Variants in SERPINF1 observed in about 807,000 individuals in gnomAD.
SERPINF1 encodes pigment epithelium-derived factor.
SERPINF1 carries 29 observed loss-of-function variants against 37.3 expected under a neutral mutation model. That is an observed-to-expected ratio of 0.78 (90% CI 0.58 to 1.06). The LOEUF is 1.06. SERPINF1 is among the 50% of genes least tolerant of loss of function. The pLI is 0.00. For synonymous variants in SERPINF1, 281 were observed against 227.9 expected, an observed-to-expected ratio of 1.23 and a Z score of -2.10; for missense variants, 553 against 532.2, an observed-to-expected ratio of 1.04 and a Z score of -0.38.
chr17:1,777,457 T>G lies in SERPINF1; in HGVS notation c.*11T>G. ...CCCAGGGGCCCCTAATATCCCAGTT[T>G]AATATTCCAATACCCTAGAAGAAAA... On this transcript the variant is annotated 3_prime_UTR_variant, in exon 8 of 8. Coordinates refer to ENST00000254722, the MANE Select transcript of SERPINF1 (RefSeq NM_002615.7). 1 of 1,614,032 alleles carries G rather than the reference T, an allele frequency of 6.2e-7. No homozygotes were observed. The highest frequency in any genetic ancestry group is 1.1e-5 in the South Asian group (1 of 91,074).
chr17:1,768,287 T>C (rs1287574242), intron 2 of SERPINF1, among the ~76,000 whole-genome samples: 4 of 151,328 alleles, frequency 2.6e-5, no homozygotes, highest in Non-Finnish European at 4.4e-5. Context: ...AAAAATTAGC[T>C]GGGTGTGGTG....
At chr17:1,769,810 G>C (rs11658342) in intron 2 of SERPINF1, 42 bp from the exon 3 acceptor site, 1 of 1,606,970 alleles carries the variant, frequency 6.2e-7, no homozygotes, top group African/African-American at 1.3e-5. Flanking sequence ...GCATCTCTGC[G>C]AGTCCCTGAA....
chr17:1,772,817 A>G (rs1026624618), intron 5 of SERPINF1, among the ~76,000 whole-genome samples: 5 of 151,770 alleles, frequency 3.3e-5, no homozygotes, highest in African/African-American at 1.2e-4. Context: ...AAGTGCTGGG[A>G]TTACAGGCGT....
chr17:1,775,312 G>A (rs1250428838), intron 6 of SERPINF1, 112 bp downstream of exon 6: 45 of 1,112,528 alleles, frequency 4.0e-5, no homozygotes, highest in Middle Eastern at 3.0e-4. Flanking sequence ...TCTACATGTC[G>A]CCTGCTGTGT....
intron 6 of SERPINF1, 121 bp downstream of exon 6, chr17:1,775,321 G>A: frequency 9.9e-7 from 1 of 1,010,334 alleles, no homozygotes; most frequent in Non-Finnish European, 1.4e-6. Flanking sequence ...CGCCTGCTGT[G>A]TGACTTTGAG....
chr17:1,777,257 G>A lies in SERPINF1; in HGVS notation c.1068G>A (p.Val356=), dbSNP rs1467213596. Residue 356 remains valine, a synonymous_variant, in exon 8 of 8, where the codon GTG becomes GTA. Coordinates refer to ENST00000254722, the MANE Select transcript of SERPINF1 (RefSeq NM_002615.7). The part of the protein sequence containing the change: ...ITGKPIKLTQ[V]EHRAGFEWNE... ...GCAAACCCATCAAGCTGACTCAGGT[G>A]GAACACCGGGCTGGCTTTGAGTGGA... The A allele has an allele frequency of 1.9e-6, 3 of 1,614,110 alleles. No homozygotes were observed. The South Asian group carries it at 3.3e-5, about 18-fold the overall frequency.
rs746893418 is a variant in SERPINF1 at position 1,769,998 on chromosome 17, C to T, written c.231C>T (p.Asn77=). Residue 77 remains asparagine (N), a synonymous_variant, in exon 3 of 8, where the codon AAC becomes AAT. Coordinates refer to ENST00000254722, the MANE Select transcript of SERPINF1 (RefSeq NM_002615.7). ...GATCCAGCACGAGCCCCACGACCAA[C>T]GTGCTCCTGTCTCCTCTCAGTGTGG... ...RVRSSTSPTT[N]VLLSPLSVAT... The T allele has an allele frequency of 6.8e-6, 11 of 1,614,086 alleles. No individual in the cohort carries two copies. The highest frequency in any genetic ancestry group is 1.7e-5 in the Admixed American group (1 of 60,014).
chr17:1,770,467 T>G (rs892265037), intron 3 of SERPINF1: 12 of 211,000 alleles, frequency 5.7e-5, no homozygotes, highest in Non-Finnish European at 1.1e-4. Flanking sequence ...TTTTTTTTTT[T>G]TTTTCTTTCT....
chr17:1,769,086 T>C (rs894590051), intron 2 of SERPINF1, among the ~76,000 whole-genome samples: 3 of 151,030 alleles, frequency 2.0e-5, no homozygotes, highest in Non-Finnish European at 3.0e-5. Context: ...GGATTATAGG[T>C]GTGAGCCACT....
intron 4 of SERPINF1, 63 bp downstream of exon 4, chr17:1,771,247 G>C: frequency 6.6e-7 from 1 of 1,503,994 alleles, no homozygotes. Context: ...AGGCTGGGGG[G>C]GTCTTTTTTT....
intron 4 of SERPINF1, chr17:1,771,670 T>C (rs1174386538): frequency 4.8e-6 from 3 of 630,868 alleles, no homozygotes; most frequent in Non-Finnish European, 8.6e-6. Context: ...GGGAGGGCAG[T>C]GGCGCGATGT....
At chr17:1,766,245 T>C (rs1907361133) in intron 1 of SERPINF1, 1 of 152,288 alleles carries the variant, frequency 6.6e-6, no homozygotes, top group Non-Finnish European at 1.5e-5. Context: ...GCCCCACTGC[T>C]CTGGATCTTT....
intron 2 of SERPINF1, among the ~76,000 whole-genome samples, chr17:1,769,200 G>T (rs1195752777): frequency 6.6e-6 from 1 of 150,894 alleles, no homozygotes; most frequent in East Asian, 2.0e-4. Flanking sequence ...ACAAGGTCAG[G>T]AGATCGAGAC....
rs1019998084 is a variant in SERPINF1 at position 1,772,047 on chromosome 17, T to C, written c.615T>C (p.Ile205=). 1 of 1,613,576 alleles carries C rather than the reference T, an allele frequency of 6.2e-7. No individual in the cohort carries two copies. Among genetic ancestry groups the C allele is most frequent in the Non-Finnish European group, 8.5e-7 (1 of 1,179,946 alleles). ...AGGAAATTCCCGATGAGATCAGCAT[T>C]CTCCTTCTCGGTGTGGCGCACTTCA... The part of the protein sequence containing the change: ...STKEIPDEIS[I]LLLGVAHFKG... Residue 205 remains isoleucine (I), a synonymous_variant, in exon 5 of 8, where the codon ATT becomes ATC. Coordinates refer to ENST00000254722, the MANE Select transcript of SERPINF1 (RefSeq NM_002615.7).
chr17:1,771,794 C>G, intron 4 of SERPINF1, 78 bp from the exon 5 acceptor site: 1 of 1,445,086 alleles, frequency 6.9e-7, no homozygotes, highest in Non-Finnish European at 9.6e-7. Context: ...AAACCAGAAC[C>G]CGAGCCTGGC....
At chr17:1,772,594 T>C (rs1035769327) in intron 5 of SERPINF1, among the ~76,000 whole-genome samples, 2 of 147,036 alleles carry the variant, frequency 1.4e-5, no homozygotes, top group African/African-American at 5.1e-5. Flanking sequence ...AGTCTTGCTC[T>C]GTCACCCAGG....
chr17:1,766,204 C>G (rs1224536448), intron 1 of SERPINF1: 3 of 152,374 alleles, frequency 2.0e-5, no homozygotes, highest in Non-Finnish European at 1.5e-5. Flanking sequence ...CTGGGCCATA[C>G]TCCACGTGGA....
At position 1,777,415 on chromosome 17, in the gene SERPINF1, T is replaced by C. The variant is rs369156271; in HGVS notation, c.1226T>C (p.Ile409Thr). ...RDTDTGALLF[I>T]GKILDPRGP ...ACAGACACAGGGGCCCTTCTCTTCA[T>C]TGGCAAGATTCTGGACCCCAGGGGC... The change falls in exon 8 of 8, where the codon ATT becomes ACT. Residue 409 changes from isoleucine (I) to threonine (T), a missense_variant. Ile to Thr is a moderately conservative substitution (Grantham distance 89). Transcript: ENST00000254722. The C allele has an allele frequency of 9.3e-6, 15 of 1,614,030 alleles. No homozygotes were observed. Among genetic ancestry groups the C allele is most frequent in the East Asian group, 6.7e-5 (3 of 44,884 alleles).
chr17:1,771,348 A>G (rs1238666061), intron 4 of SERPINF1, among the ~76,000 whole-genome samples, 164 bp downstream of exon 4: 1 of 149,562 alleles, frequency 6.7e-6, no homozygotes. Flanking sequence ...TCCCGGGTTC[A>G]CACCATCCTC....
Sources: allele counts gnomAD v4.1 joint callset (sites outside exome capture counted in the v4.1 genomes callset), GRCh38; gene constraint gnomAD v4.1.1; transcripts MANE v1.5; gene names NCBI Gene and HGNC (gene_info 2026-07-23, HGNC 2026-07-21).